Variants in RBFOX1 observed in about 807,000 individuals in gnomAD.
RBFOX1 encodes RNA binding fox-1 homolog 1, also known as RNA binding protein fox-1 homolog 1.
Under a neutral mutation model 57.7 loss-of-function variants are expected in RBFOX1, and 8 were observed. The ratio of observed to expected loss-of-function variants is 0.14; its 90% CI spans 0.08 to 0.25. The LOEUF (loss-of-function observed/expected upper bound fraction) is 0.25. Ranked by LOEUF, RBFOX1 falls within the 10% of genes least tolerant of loss-of-function variation. The pLI is 1.00. For synonymous variants in RBFOX1, 326 were observed against 222.4 expected (o/e 1.47, Z -4.15); for missense variants, 611 against 548.5 (o/e 1.11, Z -1.14).
chr16:5,595,498 GACCA>G (rs1304270450), intron 2 of RBFOX1, among the ~76,000 whole-genome samples: 4 of 152,176 alleles, frequency 2.6e-5, no homozygotes, highest in African/African-American at 9.7e-5. Context: ...GGCAGACAGC[GACCA>G]GAGTGACAGC....
At chr16:7,684,742 T>C (rs1191461520) in intron 14 of RBFOX1, among the ~76,000 whole-genome samples, 3 of 152,086 alleles carry the variant, frequency 2.0e-5, no homozygotes, top group Non-Finnish European at 2.9e-5. Flanking sequence ...ACTTGTTTTT[T>C]CCACCATTTC....
Position 7,705,918 on chromosome 16 carries a change from C to G in RBFOX1, c.996-3138C>G, listed in dbSNP as rs542405392. 1.1e-3 allele frequency among the ~76,000 whole-genome samples: 162 copies of G among 152,188 alleles called. 1 individual carries two copies. The highest frequency in any genetic ancestry group is 2.1e-3 in the Non-Finnish European group (144 of 68,040). ...CATGGAGATCATCATGATCTGACTG[C>G]ACTACTGCCCACTTTGGCCAGGGAT... is the stretch of plus-strand genomic sequence containing the variant. On this transcript the variant is annotated intron_variant, in intron 14 of 15. Coordinates refer to ENST00000550418, the MANE Select transcript of RBFOX1 (RefSeq NM_018723.4).
Position 5,956,292 on chromosome 16 carries a change from A to G in RBFOX1, c.351+88957A>G, listed in dbSNP as rs1044086918. Among the ~76,000 whole-genome samples the G allele has an allele frequency of 3.9e-5, 6 of 152,298 alleles. No homozygotes were observed. In the South Asian group the frequency reaches 1.0e-3, roughly 26 times the overall value. On this transcript the variant is annotated intron_variant, in intron 4 of 19. Transcript: ENST00000641259. Reference sequence around the variant, plus strand: ...CTGTTTCAAAATGAACAAACAAACAAACTAAATATGTATTAAGCCCAGTAA... The same window carrying G: ...CTGTTTCAAAATGAACAAACAAACAGACTAAATATGTATTAAGCCCAGTAA...
At chr16:7,667,417 C>A (rs550140696) in intron 13 of RBFOX1, among the ~76,000 whole-genome samples, 4 of 152,108 alleles carry the variant, frequency 2.6e-5, no homozygotes, top group African/African-American at 9.7e-5. Context: ...CTTGAATGTG[C>A]TTTTTAAAGC....
rs1024897211 is a variant in RBFOX1, at chr16:5,274,971, G to A, written c.219+34866G>A. On this transcript the variant is annotated intron_variant, in intron 1 of 2. Coordinates refer to the RBFOX1 transcript ENST00000585867. ...GCTTATCACCTCATGTACTAAGACCGGAGATAGCTGATGCGAAGCTTGGGT... is the reference window on the plus strand; with the variant it reads ...GCTTATCACCTCATGTACTAAGACCAGAGATAGCTGATGCGAAGCTTGGGT... 3.7e-4 allele frequency among the ~76,000 whole-genome samples: 57 copies of A among 152,208 alleles called. 2 individuals are homozygous for A. Among genetic ancestry groups the A allele is most frequent in the Admixed American group, 1.3e-4 (2 of 15,282 alleles).
At chr16:6,984,445 C>A (rs931656427) in intron 3 of RBFOX1, among the ~76,000 whole-genome samples, 10 of 152,086 alleles carry the variant, frequency 6.6e-5, no homozygotes, top group Non-Finnish European at 1.0e-4. Flanking sequence ...ATCAGGAAAA[C>A]AATATATATC....
At chr16:6,440,299 T>C (rs752201181) in intron 2 of RBFOX1, among the ~76,000 whole-genome samples, 5 of 151,954 alleles carry the variant, frequency 3.3e-5, no homozygotes, top group African/African-American at 7.3e-5. Context: ...AAATAGGATA[T>C]TGAAGAGAAA....
At chr16:6,851,955 G>C (rs981398947) in intron 3 of RBFOX1, among the ~76,000 whole-genome samples, 12 of 150,334 alleles carry the variant, frequency 8.0e-5, no homozygotes, top group African/African-American at 2.9e-4. Context: ...TTTTGAGATG[G>C]AGGTTCGTCG....
chr16:7,077,832 T>G (rs1451318466), intron 4 of RBFOX1, among the ~76,000 whole-genome samples: 1 of 152,158 alleles, frequency 6.6e-6, no homozygotes, highest in Non-Finnish European at 1.5e-5. Context: ...GAGATGTGCT[T>G]CCAGCTACAA....
At position 6,946,342 on chromosome 16, in the gene RBFOX1, G is replaced by T. The variant is rs144218564; in HGVS notation, c.-15-105715G>T. On this transcript the variant is annotated intron_variant, in intron 3 of 15. Transcript: ENST00000550418. ...ATTTACAAAAATAGTCAGTGGGCCA[G>T]GTCTGGCCAGCTGGCCCTGTACTGG... is the stretch of plus-strand genomic sequence containing the variant. Among the ~76,000 whole-genome samples the T allele has an allele frequency of 5.3e-4, 80 of 152,316 alleles. 3 individuals are homozygous for T. In the East Asian group the frequency reaches 0.015, roughly 28 times the overall value.
At chr16:5,543,800 A>G (rs142869623) in intron 2 of RBFOX1, among the ~76,000 whole-genome samples, 146 of 152,304 alleles carry the variant, frequency 9.6e-4, no homozygotes, top group African/African-American at 3.3e-3. Flanking sequence ...AACAAGACAG[A>G]TTACTTACAG....
At chr16:7,125,508 C>T (rs949256908) in intron 4 of RBFOX1, among the ~76,000 whole-genome samples, 1 of 152,076 alleles carries the variant, frequency 6.6e-6, no homozygotes, top group African/African-American at 2.4e-5. Flanking sequence ...AAGTTTGTTC[C>T]TTCAGAAAAT....
intron 1 of RBFOX1, among the ~76,000 whole-genome samples, chr16:6,269,911 T>C (rs9924453): frequency 0.059 from 8,914 of 152,086 alleles, 298 homozygotes; most frequent in Middle Eastern, 0.14. Context: ...AAAATACAAG[T>C]AGTAGGAAGA....
intron 2 of RBFOX1, among the ~76,000 whole-genome samples, chr16:6,543,163 T>C (rs1433821540): frequency 2.0e-5 from 3 of 152,156 alleles, no homozygotes; most frequent in Non-Finnish European, 2.9e-5. Context: ...ACCCCATCCC[T>C]TAGGTGGAAC....
chr16:7,404,769 G>T (rs527405272), intron 4 of RBFOX1, among the ~76,000 whole-genome samples: 1 of 152,240 alleles, frequency 6.6e-6, no homozygotes, highest in African/African-American at 2.4e-5. Context: ...TTGTTGTCAC[G>T]TCTTTATCAG....
intron 1 of RBFOX1, chr16:6,090,170 C>G (rs961462191): frequency 1.3e-5 from 2 of 152,180 alleles, no homozygotes; most frequent in African/African-American, 4.8e-5. Context: ...TCATGTCACT[C>G]CATTCTTCTG....
intron 13 of RBFOX1, chr16:7,671,607 A>T (rs373353277): frequency 1.2e-6 from 2 of 1,608,796 alleles, no homozygotes; most frequent in Non-Finnish European, 1.7e-6. Flanking sequence ...CAGGTATGAA[A>T]TCCCGACTGG....
chr16:6,930,110 A>G (rs911920892), intron 3 of RBFOX1, among the ~76,000 whole-genome samples: 2 of 152,172 alleles, frequency 1.3e-5, no homozygotes, highest in Admixed American at 6.5e-5. Flanking sequence ...TTGAATGTTG[A>G]GAAGCTCCAT....
At chr16:6,920,028 T>C (rs1222306806) in intron 3 of RBFOX1, among the ~76,000 whole-genome samples, 1 of 152,038 alleles carries the variant, frequency 6.6e-6, no homozygotes, top group Non-Finnish European at 1.5e-5. Context: ...AGACGGAAAA[T>C]ATGATATTTG....
Sources: allele counts gnomAD v4.1 joint callset (sites outside exome capture counted in the v4.1 genomes callset), GRCh38; gene constraint gnomAD v4.1.1; transcripts MANE v1.5; gene names NCBI Gene and HGNC (gene_info 2026-07-23, HGNC 2026-07-21).